The following SOS2 variants were observed in gnomAD, a reference collection of about 807,000 sequenced individuals.
The protein encoded by SOS2 is SOS Ras/Rho guanine nucleotide exchange factor 2, also known as son of sevenless homolog 2.
SOS2 carries 65 observed loss-of-function variants against 148.2 expected under a neutral mutation model. The observed-to-expected ratio is 0.44, with a 90% CI of 0.36 to 0.54. SOS2 has a LOEUF of 0.54. SOS2 is among the 20% of genes least tolerant of loss of function. The probability of loss-of-function intolerance (pLI) is 0.00; values close to 1 mark genes in which losing one functional copy is unlikely to be tolerated. For synonymous variants in SOS2, 539 were observed against 537.1 expected (o/e 1.00, Z -0.05); for missense variants, 1,341 against 1,590.2 (o/e 0.84, Z 2.67).
intron 5 of SOS2, among the ~76,000 whole-genome samples, chr14:50,188,260 C>T (rs1885988774): frequency 6.6e-6 from 1 of 151,970 alleles, no homozygotes; most frequent in Admixed American, 6.6e-5. Context: ...AAAAAATTAG[C>T]CGATTGTGGT....
chr14:50,155,784 G>A (rs1019101196), intron 12 of SOS2: 3 of 151,998 alleles, frequency 2.0e-5, no homozygotes, highest in African/African-American at 7.2e-5. Flanking sequence ...ACTGAGAAAC[G>A]AAGATTATAC....
intron 1 of SOS2, among the ~76,000 whole-genome samples, chr14:50,223,912 G>A (rs556707904): frequency 5.3e-5 from 8 of 152,128 alleles, no homozygotes; most frequent in South Asian, 2.1e-4. Flanking sequence ...TGTAAATTTG[G>A]TAATTATCAG....
At chr14:50,119,976 T>C (rs962437082) in intron 22 of SOS2, among the ~76,000 whole-genome samples, 3 of 151,922 alleles carry the variant, frequency 2.0e-5, no homozygotes, top group African/African-American at 7.3e-5. Flanking sequence ...CACACCCAGC[T>C]AATTTTTTGT....
chr14:50,224,042 TGGG>T (rs1251338935), intron 1 of SOS2, among the ~76,000 whole-genome samples: 1 of 151,224 alleles, frequency 6.6e-6, no homozygotes, highest in Admixed American at 6.6e-5. Context: ...TCCCAACACT[TGGG>T]GGGCCGAGGC....
chr14:50,153,684 C>T (rs1473688504), intron 12 of SOS2, among the ~76,000 whole-genome samples: 1 of 152,176 alleles, frequency 6.6e-6, no homozygotes, highest in Non-Finnish European at 1.5e-5. Context: ...GCGATCTCAG[C>T]TCACTACAAC....
At position 50,160,041 on chromosome 14, in the gene SOS2, G is replaced by A. The variant is rs746441669; in HGVS notation, c.1242C>T (p.His414=). ...PFYSHQLRSK[H]LAIKKMNEIQ... The stretch of plus-strand genomic sequence containing the variant: ...TTTCATTCATTTTTTTGATAGCCAG[G>A]TGTTTGCTTCTTAATTGGTGACTAT... Residue 414 remains histidine (H), a synonymous_variant, in exon 10 of 23, where the codon CAC becomes CAT. Transcript: ENST00000216373. 7 of 1,613,578 alleles carry A rather than the reference G, an allele frequency of 4.3e-6. No homozygotes were observed. In the South Asian group the frequency reaches 7.7e-5, roughly 18 times the overall value.
chr14:50,164,481 A>T (rs1348745450), intron 8 of SOS2, among the ~76,000 whole-genome samples: 2 of 151,914 alleles, frequency 1.3e-5, no homozygotes, highest in East Asian at 3.9e-4. Flanking sequence ...ACAAAAAAAA[A>T]TTAGCTGGAC....
intron 16 of SOS2, among the ~76,000 whole-genome samples, chr14:50,144,477 G>A (rs1030067388): frequency 3.3e-5 from 5 of 151,464 alleles, no homozygotes; most frequent in East Asian, 1.9e-4. Flanking sequence ...TCACTGTGTC[G>A]CCCAGCCTGG....
intron 8 of SOS2, among the ~76,000 whole-genome samples, chr14:50,173,358 C>T (rs1885428065): frequency 6.6e-6 from 1 of 151,990 alleles, no homozygotes; most frequent in Non-Finnish European, 1.5e-5. Context: ...ATACTTATCT[C>T]TTTTTTAAGT....
At chr14:50,192,169 AAAAAAAAGG>A (rs1161065926) in intron 4 of SOS2, among the ~76,000 whole-genome samples, 2 of 114,486 alleles carry the variant, frequency 1.7e-5, no homozygotes, top group African/African-American at 6.1e-5. Context: ...AAAAAAAAAA[AAAAAAAAGG>A]AGCGAGCAAG....
chr14:50,229,579 T>G (rs1052001911), intron 1 of SOS2, among the ~76,000 whole-genome samples: 1 of 150,080 alleles, frequency 6.7e-6, no homozygotes, highest in Non-Finnish European at 1.5e-5. Flanking sequence ...AAGGCAGAGG[T>G]GGGCGGACTG....
chr14:50,185,406 G>A (rs1223898274), intron 5 of SOS2, among the ~76,000 whole-genome samples: 1 of 152,090 alleles, frequency 6.6e-6, no homozygotes, highest in Non-Finnish European at 1.5e-5. Context: ...GAAGATTAGA[G>A]AGGGGTCAGG....
At chr14:50,144,706 G>T (rs1271385884) in intron 16 of SOS2, among the ~76,000 whole-genome samples, 4 of 152,100 alleles carry the variant, frequency 2.6e-5, no homozygotes, top group Admixed American at 2.0e-4. Context: ...CTAAAGTGCT[G>T]GGATTACAGG....
chr14:50,132,189 G>A (rs1025909341), intron 19 of SOS2, among the ~76,000 whole-genome samples: 1 of 152,022 alleles, frequency 6.6e-6, no homozygotes, highest in South Asian at 2.1e-4. Context: ...AGAGGTGGAA[G>A]TGTGGTCCAG....
chr14:50,183,719 A>G (rs1405444004), intron 5 of SOS2, among the ~76,000 whole-genome samples: 1 of 152,202 alleles, frequency 6.6e-6, no homozygotes, highest in Non-Finnish European at 1.5e-5. Flanking sequence ...CTTATAGATT[A>G]ATGGTAAGAG....
intron 8 of SOS2, among the ~76,000 whole-genome samples, chr14:50,170,824 A>C (rs563491807): frequency 7.9e-5 from 12 of 151,806 alleles, no homozygotes; most frequent in African/African-American, 1.2e-4. Context: ...AAAAAAAAAA[A>C]AAAACAGGCC....
intron 4 of SOS2, among the ~76,000 whole-genome samples, chr14:50,198,508 T>C (rs1242312485): frequency 6.6e-6 from 1 of 152,228 alleles, no homozygotes; most frequent in Non-Finnish European, 1.5e-5. Flanking sequence ...CTGGAATGCT[T>C]TCAAAGAACA....
chr14:50,226,222 C>T (rs1241291449), intron 1 of SOS2, among the ~76,000 whole-genome samples: 3 of 152,104 alleles, frequency 2.0e-5, no homozygotes, highest in African/African-American at 7.2e-5. Flanking sequence ...GTGGGAGGAT[C>T]GCTTGAGCCC....
intron 2 of SOS2, among the ~76,000 whole-genome samples, chr14:50,202,915 G>T (rs1407312265): frequency 2.0e-5 from 3 of 152,164 alleles, no homozygotes; most frequent in African/African-American, 7.2e-5. Context: ...CAGCACTTTG[G>T]AAGGCTGAGG....
Sources: allele counts gnomAD v4.1 joint callset (sites outside exome capture counted in the v4.1 genomes callset), GRCh38; gene constraint gnomAD v4.1.1; transcripts MANE v1.5; gene names NCBI Gene and HGNC (gene_info 2026-07-23, HGNC 2026-07-21).